SYT14: variants seen among roughly 807,000 people sequenced by gnomAD.
SYT14 encodes synaptotagmin 14.
Under a neutral mutation model 74.2 loss-of-function variants are expected in SYT14, and 32 were observed. The ratio of observed to expected loss-of-function variants is 0.43; its 90% CI spans 0.33 to 0.58. SYT14 has a LOEUF of 0.58. Among genes scored for constraint, SYT14 ranks in the 20% least tolerant of loss-of-function variants. The pLI is 0.05. For missense variants in SYT14, 791 were observed against 981.8 expected (o/e 0.81, Z 2.60); for synonymous variants, 298 against 337.7 (o/e 0.88, Z 1.29).
chr1:210,115,479 A>G (rs551488967), intron 7 of SYT14, among the ~76,000 whole-genome samples: 1 of 151,548 alleles, frequency 6.6e-6, no homozygotes, highest in Non-Finnish European at 1.5e-5. Flanking sequence ...GCGTCCCCGC[A>G]GTGATTAAAC....
intron 7 of SYT14, among the ~76,000 whole-genome samples, chr1:210,127,348 C>CG (rs1299914554): frequency 1.3e-5 from 2 of 152,134 alleles, no homozygotes; most frequent in Non-Finnish European, 2.9e-5. Flanking sequence ...AGGACTTTGG[C>CG]GGGGGAGGTG....
chr1:210,000,464 A>ACG (rs537943779), intron 2 of SYT14, among the ~76,000 whole-genome samples: 12,850 of 133,782 alleles, frequency 0.096, 669 homozygotes, highest in South Asian at 0.13. Flanking sequence ...TTGTCCTCAT[A>ACG]CGCACACACA....
At chr1:210,106,469 T>C (rs2082159657) in intron 7 of SYT14, among the ~76,000 whole-genome samples, 1 of 152,184 alleles carries the variant, frequency 6.6e-6, no homozygotes, top group African/African-American at 2.4e-5. Flanking sequence ...GAAAGAGGTT[T>C]AATTGACTCA....
At chr1:209,969,579 C>T (rs560866294) in intron 2 of SYT14, among the ~76,000 whole-genome samples, 16 of 150,968 alleles carry the variant, frequency 1.1e-4, no homozygotes, top group African/African-American at 3.9e-4. Context: ...CCTCTGCCTC[C>T]TGGGTTCAAG....
At chr1:210,064,463 A>G (rs1330084876) in intron 5 of SYT14, among the ~76,000 whole-genome samples, 3 of 151,994 alleles carry the variant, frequency 2.0e-5, no homozygotes, top group East Asian at 1.9e-4. Flanking sequence ...CCACTATTCT[A>G]TCTTCTGTCT....
intron 7 of SYT14, among the ~76,000 whole-genome samples, chr1:210,132,793 G>A (rs1558211691): frequency 6.6e-6 from 1 of 152,010 alleles, no homozygotes; most frequent in Non-Finnish European, 1.5e-5. Context: ...AACTGTCCAT[G>A]GTACTGACAA....
At chr1:210,115,400 G>A (rs558973081) in intron 7 of SYT14, among the ~76,000 whole-genome samples, 1 of 150,590 alleles carries the variant, frequency 6.6e-6, no homozygotes, top group African/African-American at 2.5e-5. Flanking sequence ...GCCACTAAGG[G>A]TGAAGGATCA....
At chr1:210,166,202 C>G (rs79446600) in exon 10 of SYT14, 57 of 152,358 alleles carry the variant, frequency 3.7e-4, no homozygotes, top group African/African-American at 1.4e-3. Flanking sequence ...CTTGAGGACA[C>G]ACGTTCTTTC....
At position 209,994,531 on chromosome 1, in the gene SYT14, A is replaced by T. The variant is rs1308251645; in HGVS notation, c.-485-19102A>T. Among the ~76,000 whole-genome samples, 3 of 152,190 alleles carry T rather than the reference A, an allele frequency of 2.0e-5. No individual in the cohort carries two copies. The East Asian group carries it at 5.8e-4, about 29-fold the overall frequency. The stretch of plus-strand genomic sequence containing the variant: ...TCTAAGACTCATTGGCATTCCTGAG[A>T]GAGAAGGAGAGAGAAAAATAACTTG... On this transcript the variant is annotated intron_variant, in intron 2 of 9. Transcript: ENST00000637265.
intron 7 of SYT14, among the ~76,000 whole-genome samples, chr1:210,114,147 G>A (rs759394586): frequency 1.5e-4 from 22 of 151,466 alleles, no homozygotes; most frequent in Non-Finnish European, 3.2e-4. Flanking sequence ...GGGACTCTGG[G>A]AGTGGCTGCC....
chr1:210,011,528 A>C (rs1457644074), intron 2 of SYT14, among the ~76,000 whole-genome samples: 12 of 152,048 alleles, frequency 7.9e-5, no homozygotes, highest in African/African-American at 2.7e-4. Context: ...CCTGCCTTAC[A>C]ATATTACTCT....
chr1:210,109,385 C>T (rs943450171), intron 7 of SYT14, among the ~76,000 whole-genome samples: 1 of 152,002 alleles, frequency 6.6e-6, no homozygotes, highest in African/African-American at 2.4e-5. Context: ...TGAAACCATC[C>T]TGGCCAACAT....
chr1:210,018,966 T>C (rs1047638936), intron 4 of SYT14, among the ~76,000 whole-genome samples: 1 of 151,656 alleles, frequency 6.6e-6, no homozygotes, highest in South Asian at 2.1e-4. Context: ...TGAAACCCCG[T>C]CTCTACTAAA....
At chr1:210,075,709 G>A (rs932526181) in intron 5 of SYT14, among the ~76,000 whole-genome samples, 2 of 152,042 alleles carry the variant, frequency 1.3e-5, no homozygotes, top group Admixed American at 6.6e-5. Context: ...ACATTTGGGC[G>A]CAAAGACAGG....
chr1:210,019,402 C>T (rs1211118332), intron 4 of SYT14, among the ~76,000 whole-genome samples: 1 of 152,172 alleles, frequency 6.6e-6, no homozygotes, highest in Non-Finnish European at 1.5e-5. Context: ...TCTTATATCT[C>T]TGCATTGTTC....
intron 2 of SYT14, among the ~76,000 whole-genome samples, chr1:209,982,511 A>AT (rs1226219866): frequency 1.3e-5 from 2 of 152,028 alleles, no homozygotes; most frequent in East Asian, 3.9e-4. Flanking sequence ...AAGTTTTGAA[A>AT]TTTTTTTTAA....
chr1:209,943,739 A>T (rs373636393), intron 1 of SYT14, among the ~76,000 whole-genome samples: 38 of 152,164 alleles, frequency 2.5e-4, no homozygotes, highest in Admixed American at 7.2e-4. Flanking sequence ...TTATTCTTTT[A>T]TTCTTTTCCT....
At chr1:210,029,305 T>A (rs2080478855) in intron 5 of SYT14, among the ~76,000 whole-genome samples, 2 of 152,236 alleles carry the variant, frequency 1.3e-5, no homozygotes, top group African/African-American at 4.8e-5. Context: ...TTTTTGTTGT[T>A]TTCTGTGCCT....
intron 6 of SYT14, among the ~76,000 whole-genome samples, chr1:210,099,167 T>G (rs2082016489): frequency 6.6e-6 from 1 of 152,166 alleles, no homozygotes; most frequent in African/African-American, 2.4e-5. Flanking sequence ...AGTGGTATAG[T>G]TGAAAGGTCA....
Sources: gnomAD v4.1 joint callset for allele counts (sites outside exome capture counted in the v4.1 genomes callset) on GRCh38, gnomAD v4.1.1 for gene constraint, MANE v1.5 for transcripts, NCBI Gene and HGNC (gene_info 2026-07-23, HGNC 2026-07-21) for gene names.